ST6GALNAC3: variants seen among roughly 807,000 people sequenced by gnomAD.
ST6GALNAC3 encodes the protein ST6 N-acetylgalactosaminide alpha-2,6-sialyltransferase 3.
In ST6GALNAC3, 25 loss-of-function variants were observed where a neutral mutation model predicts 32.7. The observed-to-expected ratio is 0.76, with a 90% confidence interval of 0.56 to 1.07. The LOEUF is 1.07. Among genes scored for constraint, ST6GALNAC3 ranks in the 50% least tolerant of loss-of-function variants. The pLI, the probability that ST6GALNAC3 is intolerant of heterozygous loss-of-function variation, is 0.00. For synonymous variants in ST6GALNAC3, 129 were observed against 133.1 expected (o/e 0.97, Z 0.21); for missense variants, 355 against 382.4 (o/e 0.93, Z 0.60).
chr1:76,458,496 C>A (rs1318112931), intron 3 of ST6GALNAC3, among the ~76,000 whole-genome samples: 1 of 130,730 alleles, frequency 7.6e-6, no homozygotes, highest in Non-Finnish European at 1.6e-5. Flanking sequence ...AAATGTCCAA[C>A]AATGATAGAC....
At chr1:76,515,317 TATC>T (rs1488240699) in intron 3 of ST6GALNAC3, among the ~76,000 whole-genome samples, 1 of 152,172 alleles carries the variant, frequency 6.6e-6, no homozygotes, top group African/African-American at 2.4e-5. Context: ...TTTGGGATCT[TATC>T]ATATTTTTTC....
intron 3 of ST6GALNAC3, among the ~76,000 whole-genome samples, chr1:76,619,359 G>T (rs530182068): frequency 6.6e-6 from 1 of 152,190 alleles, no homozygotes; most frequent in East Asian, 1.9e-4. Context: ...AGGTGTATAT[G>T]GAGGAAGCCT....
chr1:76,291,120 C>G (rs763653754), intron 1 of ST6GALNAC3, among the ~76,000 whole-genome samples: 3 of 152,162 alleles, frequency 2.0e-5, no homozygotes, highest in Non-Finnish European at 4.4e-5. Context: ...TCTAAGTGAC[C>G]GCCATAACTT....
chr1:76,432,570 G>A (rs570314752), intron 3 of ST6GALNAC3, among the ~76,000 whole-genome samples: 7 of 143,918 alleles, frequency 4.9e-5, no homozygotes, highest in African/African-American at 1.3e-4. Context: ...TCCTCCCTCC[G>A]TAGCCATCCA....
chr1:76,557,774 C>A (rs1309766019), intron 3 of ST6GALNAC3, among the ~76,000 whole-genome samples: 1 of 152,030 alleles, frequency 6.6e-6, no homozygotes, highest in African/African-American at 2.4e-5. Context: ...GCCTTTGCAT[C>A]CCATTAGGGA....
intron 2 of ST6GALNAC3, among the ~76,000 whole-genome samples, chr1:76,410,478 C>G (rs992399539): frequency 1.3e-5 from 2 of 151,968 alleles, no homozygotes; most frequent in Admixed American, 6.6e-5. Flanking sequence ...TCTTAACCTC[C>G]TTTCCTGCTT....
chr1:76,204,132 T>C (rs1654690702), intron 1 of ST6GALNAC3, among the ~76,000 whole-genome samples: 1 of 152,138 alleles, frequency 6.6e-6, no homozygotes, highest in South Asian at 2.1e-4. Context: ...TCCCCACAGA[T>C]TAGTGAGAAC....
chr1:76,627,012 T>C (rs1649008790), intron 3 of ST6GALNAC3, among the ~76,000 whole-genome samples: 1 of 151,924 alleles, frequency 6.6e-6, no homozygotes, highest in Admixed American at 6.6e-5. Context: ...CAAGCAGCCT[T>C]CAAGAAAGTA....
intron 1 of ST6GALNAC3, among the ~76,000 whole-genome samples, chr1:76,255,308 A>T (rs1201152828): frequency 6.6e-6 from 1 of 152,138 alleles, no homozygotes; most frequent in Non-Finnish European, 1.5e-5. Flanking sequence ...CATGGCTAGC[A>T]TGAACAAATT....
intron 3 of ST6GALNAC3, among the ~76,000 whole-genome samples, chr1:76,568,069 A>G (rs576388846): frequency 6.6e-6 from 1 of 152,216 alleles, no homozygotes; most frequent in Non-Finnish European, 1.5e-5. Context: ...ATCATATCTT[A>G]TTCTTTCATA....
At chr1:76,406,171 C>A (rs1313136954) in intron 2 of ST6GALNAC3, among the ~76,000 whole-genome samples, 2 of 152,016 alleles carry the variant, frequency 1.3e-5, no homozygotes, top group Non-Finnish European at 2.9e-5. Context: ...AAGAGAAGAG[C>A]CATTCATGAG....
chr1:76,492,284 A>T (rs541655341), intron 3 of ST6GALNAC3, among the ~76,000 whole-genome samples: 6 of 152,196 alleles, frequency 3.9e-5, no homozygotes, highest in Non-Finnish European at 5.9e-5. Context: ...ACAAATAAAT[A>T]TAACACATAT....
At chr1:76,360,168 A>G (rs545339605) in intron 2 of ST6GALNAC3, among the ~76,000 whole-genome samples, 3 of 152,328 alleles carry the variant, frequency 2.0e-5, no homozygotes, top group Admixed American at 6.5e-5. Context: ...AATCAACCAT[A>G]GCTCCCAGGA....
At chr1:76,202,382 G>A (rs1452039233) in intron 1 of ST6GALNAC3, among the ~76,000 whole-genome samples, 1 of 151,842 alleles carries the variant, frequency 6.6e-6, no homozygotes, top group Non-Finnish European at 1.5e-5. Flanking sequence ...CCTTTGTTGT[G>A]TAAGGCCTCC....
intron 1 of ST6GALNAC3, among the ~76,000 whole-genome samples, chr1:76,102,565 T>G (rs970396031): frequency 1.7e-4 from 26 of 152,082 alleles, no homozygotes; most frequent in African/African-American, 6.0e-4. Context: ...TCTATTACCT[T>G]GGAAGTTGTA....
intron 2 of ST6GALNAC3, among the ~76,000 whole-genome samples, chr1:76,322,207 T>C (rs2100925997): frequency 6.6e-6 from 1 of 152,296 alleles, no homozygotes; most frequent in Middle Eastern, 3.4e-3. Flanking sequence ...ACTCATGTCC[T>C]GATGTAGAGA....
intron 1 of ST6GALNAC3, among the ~76,000 whole-genome samples, chr1:76,299,641 C>T (rs901755972): frequency 6.6e-6 from 1 of 152,012 alleles, no homozygotes; most frequent in Non-Finnish European, 1.5e-5. Flanking sequence ...AGTTACCTCC[C>T]ACCAGTTGAA....
chr1:76,489,801 G>C (rs1660374828), intron 3 of ST6GALNAC3, among the ~76,000 whole-genome samples: 1 of 152,128 alleles, frequency 6.6e-6, no homozygotes, highest in Admixed American at 6.5e-5. Flanking sequence ...AAGTGGATAG[G>C]ACCTTAGTCT....
intron 2 of ST6GALNAC3, among the ~76,000 whole-genome samples, chr1:76,344,804 GTC>G (rs1648359611): frequency 6.6e-6 from 1 of 152,168 alleles, no homozygotes; most frequent in African/African-American, 2.4e-5. Flanking sequence ...GTACTTCCCT[GTC>G]TCTTTTTTCC....
Sources: allele counts gnomAD v4.1 joint callset (sites outside exome capture counted in the v4.1 genomes callset), GRCh38; gene constraint gnomAD v4.1.1; transcripts MANE v1.5; gene names NCBI Gene and HGNC (gene_info 2026-07-23, HGNC 2026-07-21).